ANKRD44: variants seen among roughly 807,000 people sequenced by gnomAD.
The protein encoded by ANKRD44 is serine/threonine-protein phosphatase 6 regulatory ankyrin repeat subunit B.
Under a neutral mutation model 116.0 loss-of-function variants are expected in ANKRD44, and 35 were observed. That is an observed-to-expected ratio of 0.30 (90% CI 0.23 to 0.40). The LOEUF (loss-of-function observed/expected upper bound fraction) is 0.40, where lower values mean the gene tolerates loss of function less well. Ranked by LOEUF, ANKRD44 falls within the 10% of genes least tolerant of loss-of-function variation. ANKRD44 has a pLI of 1.00. For synonymous variants in ANKRD44, 435 were observed against 461.8 expected, an observed-to-expected ratio of 0.94 and a Z score of 0.74; for missense variants, 1,014 against 1,242.6, an observed-to-expected ratio of 0.82 and a Z score of 2.77.
intron 1 of ANKRD44, 57 bp downstream of exon 1, chr2:197,310,521 G>A (rs1188114887): frequency 2.6e-5 from 26 of 1,009,392 alleles, no homozygotes; most frequent in Non-Finnish European, 2.9e-5. Flanking sequence ...TCCCCCCGCC[G>A]GGCTCCGCGC....
chr2:197,018,431 C>G (rs2076432917), intron 17 of ANKRD44, among the ~76,000 whole-genome samples: 1 of 152,132 alleles, frequency 6.6e-6, no homozygotes, highest in Admixed American at 6.5e-5. Context: ...ACTTTCTGCT[C>G]CCTCTGTCTG....
intron 1 of ANKRD44, among the ~76,000 whole-genome samples, chr2:197,273,645 T>C (rs2082962757): frequency 6.6e-6 from 1 of 152,214 alleles, no homozygotes; most frequent in Non-Finnish European, 1.5e-5. Context: ...GGCCAGCACC[T>C]GCGGCCTGGG....
intron 10 of ANKRD44, among the ~76,000 whole-genome samples, chr2:197,098,687 A>G (rs1229068361): frequency 6.6e-6 from 1 of 152,170 alleles, no homozygotes; most frequent in African/African-American, 2.4e-5. Flanking sequence ...CTTTTTAATA[A>G]CCTTAGGAGG....
intron 1 of ANKRD44, among the ~76,000 whole-genome samples, chr2:197,254,835 G>A (rs1339257982): frequency 6.6e-6 from 1 of 152,106 alleles, no homozygotes; most frequent in Non-Finnish European, 1.5e-5. Flanking sequence ...TGATACTCTA[G>A]GCGTATGTAC....
At chr2:197,061,654 G>A (rs989533220) in intron 16 of ANKRD44, among the ~76,000 whole-genome samples, 2 of 152,194 alleles carry the variant, frequency 1.3e-5, no homozygotes, top group South Asian at 2.1e-4. Flanking sequence ...AATAACTGGG[G>A]AGTAGTTATT....
At chr2:197,015,666 A>G in intron 17 of ANKRD44, 1 of 546,802 alleles carries the variant, frequency 1.8e-6, no homozygotes, top group Non-Finnish European at 3.4e-6. Context: ...GTAGTTATGG[A>G]GGAGGTGATG....
At chr2:197,129,130 GTTTC>G in intron 4 of ANKRD44, among the ~76,000 whole-genome samples, 1 of 150,036 alleles carries the variant, frequency 6.7e-6, no homozygotes, top group South Asian at 2.1e-4. Context: ...GCCTTTGTTT[GTTTC>G]TTTTTCTTTT....
intron 9 of ANKRD44, among the ~76,000 whole-genome samples, chr2:197,104,067 C>A (rs2078368871): frequency 5.9e-5 from 9 of 152,176 alleles, no homozygotes; most frequent in Admixed American, 5.2e-4. Flanking sequence ...AAGAAAAACA[C>A]AGGAATGAAC....
rs1321602597 is a variant in ANKRD44, at chr2:196,978,031, T to C, written c.2369-10585A>G. Reference sequence around the variant, plus strand: ...CATATAATTAAATATTATTTGACTATAAAAGGAAATGAAGCACCTCTATAT... The same window carrying C: ...CATATAATTAAATATTATTTGACTACAAAAGGAAATGAAGCACCTCTATAT... On this transcript the variant is annotated intron_variant, in intron 21 of 21. Transcript: ENST00000424317. Among the ~76,000 whole-genome samples the C allele has an allele frequency of 4.6e-5, 7 of 152,208 alleles. No individual in the cohort carries two copies. The East Asian group carries it at 1.3e-3, about 29-fold the overall frequency.
At chr2:197,029,403 T>C in intron 16 of ANKRD44, 2 of 289,622 alleles carry the variant, frequency 6.9e-6, no homozygotes, top group Non-Finnish European at 1.3e-5. Flanking sequence ...GAAGGGCTCT[T>C]TGGAGCTCTA....
At position 197,078,745 on chromosome 2, in the gene ANKRD44, T is replaced by A. The variant is rs778169739; in HGVS notation, c.1608A>T (p.Ile536=). Residue 536 remains isoleucine, a synonymous_variant, in exon 16 of 28, where the codon ATA becomes ATT. Transcript: ENST00000282272. ...TGTGCCCATAGGCGGCAGCATAATG[T>A]ATGCTATTGTAACCTTCCTTGTCCC... ...SIRDKEGYNS[I]HYAAAYGHRQ... The A allele has an allele frequency of 6.2e-7, 1 of 1,613,018 alleles. No homozygotes were observed. Among genetic ancestry groups the A allele is most frequent in the South Asian group, 1.1e-5 (1 of 91,060 alleles).
At chr2:197,208,737 T>C (rs1421567834) in intron 1 of ANKRD44, among the ~76,000 whole-genome samples, 1 of 152,000 alleles carries the variant, frequency 6.6e-6, no homozygotes, top group Admixed American at 6.6e-5. Context: ...GAGGCAGAGC[T>C]TGCAGTGAGC....
At chr2:197,117,144 G>A (rs938716010) in intron 8 of ANKRD44, among the ~76,000 whole-genome samples, 16 of 152,064 alleles carry the variant, frequency 1.1e-4, no homozygotes, top group African/African-American at 3.9e-4. Flanking sequence ...GAATTTAGGC[G>A]GTCTGGCCCC....
At chr2:197,186,114 T>C (rs1456435353) in intron 2 of ANKRD44, among the ~76,000 whole-genome samples, 3 of 152,090 alleles carry the variant, frequency 2.0e-5, no homozygotes, top group Non-Finnish European at 4.4e-5. Flanking sequence ...TCTCAACACT[T>C]GAAAAATAAA....
intron 16 of ANKRD44, among the ~76,000 whole-genome samples, chr2:197,050,521 C>T (rs762459594): frequency 1.6e-4 from 25 of 151,752 alleles, no homozygotes; most frequent in Middle Eastern, 3.4e-3. Flanking sequence ...CTCCTGGGTT[C>T]AAGCAATTCT....
intron 8 of ANKRD44, among the ~76,000 whole-genome samples, chr2:197,115,336 T>C (rs2078682163): frequency 6.6e-6 from 1 of 152,256 alleles, no homozygotes; most frequent in African/African-American, 2.4e-5. Flanking sequence ...ATGTAGTCTC[T>C]AATGGAAAAG....
chr2:197,087,408 G>A (rs137930267), intron 12 of ANKRD44, among the ~76,000 whole-genome samples: 17 of 152,276 alleles, frequency 1.1e-4, no homozygotes, highest in African/African-American at 3.4e-4. Context: ...CTATTAAAGG[G>A]CATGTAGCTA....
chr2:197,286,865 T>A (rs1393684074), intron 1 of ANKRD44, among the ~76,000 whole-genome samples: 1 of 152,150 alleles, frequency 6.6e-6, no homozygotes, highest in East Asian at 1.9e-4. Context: ...AAAGAATTTA[T>A]CCAACGGTAT....
At position 197,122,769 on chromosome 2, in the gene ANKRD44, G is replaced by A; in HGVS notation, c.574C>T (p.Leu192Phe). 1.9e-6 allele frequency: 3 copies of A among 1,614,078 alleles called. No individual in the cohort carries two copies. The highest frequency in any genetic ancestry group is 2.5e-6 in the Non-Finnish European group (3 of 1,179,978). ...GTCACTTCTGCGCCATGGTTAATGA[G>A]CAATGCTACAACATCCAAGTGGCCT... ...YMGHLDVVAL[L>F]INHGAEVTCK... The change falls in exon 7 of 28, where the codon CTC (leucine) becomes TTC (phenylalanine). Residue 192 changes from leucine (L) to phenylalanine (F), a missense_variant. By Grantham distance (22) the Leu-to-Phe change is conservative. Transcript: ENST00000282272.
Sources: gnomAD v4.1 joint callset for allele counts (sites outside exome capture counted in the v4.1 genomes callset) on GRCh38, gnomAD v4.1.1 for gene constraint, MANE v1.5 for transcripts, NCBI Gene and HGNC (gene_info 2026-07-23, HGNC 2026-07-21) for gene names.